Variants in EPS8 observed in about 807,000 individuals in gnomAD.
EPS8 encodes the protein epidermal growth factor receptor kinase substrate 8.
Under a neutral mutation model 103.8 loss-of-function variants are expected in EPS8, and 42 were observed. That is an observed-to-expected ratio of 0.40 (90% CI 0.32 to 0.52). EPS8 has a LOEUF of 0.52. EPS8 is among the 20% of genes least tolerant of loss of function. The pLI, the probability that EPS8 is intolerant of heterozygous loss-of-function variation, is 0.40. For synonymous variants in EPS8, 344 were observed against 344.6 expected, an observed-to-expected ratio of 1.00 and a Z score of 0.02; for missense variants, 969 against 1,005.1, an observed-to-expected ratio of 0.96 and a Z score of 0.49.
chr12:15,635,907 T>C (rs1945125986), intron 17 of EPS8, among the ~76,000 whole-genome samples: 1 of 152,128 alleles, frequency 6.6e-6, no homozygotes, highest in Non-Finnish European at 1.5e-5. Flanking sequence ...AGACTGGACA[T>C]TCATAATTAC....
rs776013800 is a variant in EPS8, at chr12:15,669,743, G to C, written c.287C>G (p.Ala96Gly). ...DGIRKLKLLD[A>G]KGKVWTQDMI... Reference sequence around the variant, plus strand: ...ATCTTGAGTCCACACTTTGCCCTTGGCATCAAGCAATTTCAATTTCCTTAT... The same window carrying C: ...ATCTTGAGTCCACACTTTGCCCTTGCCATCAAGCAATTTCAATTTCCTTAT... The change falls in exon 5 of 21, where the codon GCC becomes GGC. Residue 96 changes from alanine to glycine, a missense_variant. By Grantham distance (60) the Ala-to-Gly change is moderately conservative (BLOSUM62 0). Transcript: ENST00000281172. 13 of 1,613,502 alleles carry C rather than the reference G, an allele frequency of 8.1e-6. No homozygotes were observed. In the South Asian group the frequency reaches 1.3e-4, roughly 16 times the overall value.
Position 15,757,986 on chromosome 12 carries a change from G to C in EPS8, c.-22+31175C>G, listed in dbSNP as rs1947004763. ...AAGCCAGCGGTTGGAATCATCTGAA[G>C]GCCTATTCACTGTCAGCTTGAGACC... On this transcript the variant is annotated intron_variant, in intron 1 of 20. Transcript: ENST00000281172. This position sits in a 1 kb window ranked among gnomAD's most constrained non-coding sequence, Gnocchi z 4.1. 6.6e-6 allele frequency among the ~76,000 whole-genome samples: 1 copy of C among 152,154 alleles called. No homozygotes were observed.
At position 15,762,974 on chromosome 12, in the gene EPS8, AATAG is replaced by A. The variant is rs1300454618; in HGVS notation, c.-22+26183_-22+26186del. On this transcript the variant is annotated intron_variant, in intron 1 of 20. Coordinates refer to ENST00000281172, the MANE Select transcript of EPS8 (RefSeq NM_004447.6). This position sits in a 1 kb window ranked among gnomAD's most constrained non-coding sequence, Gnocchi z 4.8. ...TAACACAAAGGGTAAATGCTTGAGGAATAGATAGCCCATTTTCCATGATGTGATT... is the reference window on the plus strand; with the variant it reads ...TAACACAAAGGGTAAATGCTTGAGGAATAGCCCATTTTCCATGATGTGATT... 1.3e-5 allele frequency among the ~76,000 whole-genome samples: 2 copies of A among 152,208 alleles called. No homozygotes were observed. The highest frequency in any genetic ancestry group is 4.8e-5 in the African/African-American group (2 of 41,452).
At chr12:15,743,808 C>A (rs1477018647) in intron 1 of EPS8, among the ~76,000 whole-genome samples, 1 of 152,136 alleles carries the variant, frequency 6.6e-6, no homozygotes, top group Non-Finnish European at 1.5e-5. Context: ...CATAAAAACC[C>A]TAGAAGAAAC....
intron 1 of EPS8, among the ~76,000 whole-genome samples, chr12:15,712,403 T>G (rs1946477492): frequency 6.6e-6 from 1 of 152,202 alleles, no homozygotes; most frequent in African/African-American, 2.4e-5. Flanking sequence ...ACAACTAACA[T>G]TGTGTAAACA....
chr12:15,663,933 A>AT (rs1301103546), intron 8 of EPS8, among the ~76,000 whole-genome samples: 2,978 of 16,178 alleles, frequency 0.18, 164 homozygotes, highest in Middle Eastern at 0.38. Context: ...AAAAAAAAAA[A>AT]AAAAAAAAAA....
chr12:15,686,959 G>A (rs1440816602), intron 1 of EPS8, among the ~76,000 whole-genome samples: 6 of 151,996 alleles, frequency 3.9e-5, no homozygotes, highest in Non-Finnish European at 8.8e-5. Context: ...AAACATCTAT[G>A]TCTAGGTTTC....
rs566008022 is a variant in EPS8 at position 15,694,780 on chromosome 12, GA to G, written c.-21-11809del. Among the ~76,000 whole-genome samples, 336 of 152,062 alleles carry G rather than the reference GA, an allele frequency of 2.2e-3. 2 individuals carry two copies. The highest frequency in any genetic ancestry group is 5.4e-3 in the East Asian group (28 of 5,188). ...AAAGGAAGAAAAGTTAATTCCAATG[GA>G]AAAAATAATTGAGCCTATTATATTT... On this transcript the variant is annotated intron_variant, in intron 1 of 20. Coordinates refer to ENST00000281172, the MANE Select transcript of EPS8 (RefSeq NM_004447.6).
chr12:15,689,050 G>T (rs944601134), intron 1 of EPS8, among the ~76,000 whole-genome samples: 2 of 152,126 alleles, frequency 1.3e-5, no homozygotes, highest in African/African-American at 4.8e-5. Flanking sequence ...CTGCGAGGGG[G>T]ACAAAGGAAC....
At position 15,787,916 on chromosome 12, in the gene EPS8, T is replaced by C. The variant is rs1947326693; in HGVS notation, c.-22+1245A>G. The C allele has an allele frequency of 6.6e-6, 1 of 152,178 alleles. No homozygotes were observed. The highest frequency in any genetic ancestry group is 2.1e-4 in the South Asian group (1 of 4,830). The allele number at this position is 152,178 out of a possible 1,614,324, so 9.4% of individuals were successfully genotyped here. A position where few individuals can be genotyped will look rare whatever the true frequency, so the allele number is the denominator to read the frequency against. Reference sequence around the variant, plus strand: ...ACTGCGATCCCAAACAAAAAATCTATACTAGGTGAGACAGGATGACATTGA... The same window carrying C: ...ACTGCGATCCCAAACAAAAAATCTACACTAGGTGAGACAGGATGACATTGA... On this transcript the variant is annotated intron_variant, in intron 1 of 20. Transcript: ENST00000281172. The surrounding 1 kb of genome is among the most constrained non-coding windows in gnomAD (Gnocchi z 4.9).
rs567376929 is a variant in EPS8, at chr12:15,748,502, G to C, written c.-22+40659C>G. 1.3e-5 allele frequency among the ~76,000 whole-genome samples: 2 copies of C among 152,170 alleles called. 1 individual carries two copies. Among genetic ancestry groups the C allele is most frequent in the African/African-American group, 4.8e-5 (2 of 41,512 alleles). On this transcript the variant is annotated intron_variant, in intron 1 of 20. Transcript: ENST00000281172. This position sits in a 1 kb window ranked among gnomAD's most constrained non-coding sequence, Gnocchi z 4.8. ...ACAAAACTCTACAGAAACAATTTCAGTGAATTAAGTGTCTGAATACCTACA... is the reference window on the plus strand; with the variant it reads ...ACAAAACTCTACAGAAACAATTTCACTGAATTAAGTGTCTGAATACCTACA...
At chr12:15,630,542 T>C (rs750646303) in intron 18 of EPS8, among the ~76,000 whole-genome samples, 129 of 152,238 alleles carry the variant, frequency 8.5e-4, no homozygotes, top group Admixed American at 1.7e-3. Flanking sequence ...AAACCATTTA[T>C]ATGAAACATC....
In EPS8 at chr12:15,734,866, A is replaced by T. The variant is rs900527784; in HGVS notation, c.-21-51894T>A. Among the ~76,000 whole-genome samples the T allele has an allele frequency of 2.6e-5, 4 of 152,240 alleles. No homozygotes were observed. The highest frequency in any genetic ancestry group is 5.9e-5 in the Non-Finnish European group (4 of 68,044). On this transcript the variant is annotated intron_variant, in intron 1 of 20. Transcript: ENST00000281172. This position sits in a 1 kb window ranked among gnomAD's most constrained non-coding sequence, Gnocchi z 4.1. ...ACTTTCATATCGATGATCTCAATTG[A>T]TTCTTATAATATGTAAGCTGGAAGG...
In EPS8 at chr12:15,760,069, TAAGA is replaced by T. The variant is rs774899384; in HGVS notation, c.-22+29088_-22+29091del. On this transcript the variant is annotated intron_variant, in intron 1 of 20. Transcript: ENST00000281172. This position sits in a 1 kb window ranked among gnomAD's most constrained non-coding sequence, Gnocchi z 4.5. The stretch of plus-strand genomic sequence containing the variant: ...AAAATTGATGAACCTTTAGCCATAC[TAAGA>T]AAGAAAGAAAGATCTAAGTAAATAA... Among the ~76,000 whole-genome samples, 1 of 151,780 alleles carries T rather than the reference TAAGA, an allele frequency of 6.6e-6. No individual in the cohort carries two copies. Among genetic ancestry groups the T allele is most frequent in the South Asian group, 2.1e-4 (1 of 4,826 alleles).
At chr12:15,636,844 A>C (rs1365425373) in intron 17 of EPS8, among the ~76,000 whole-genome samples, 1 of 152,238 alleles carries the variant, frequency 6.6e-6, no homozygotes, top group Non-Finnish European at 1.5e-5. Flanking sequence ...ATACCATGAA[A>C]TCCAGTGAAT....
At chr12:15,669,622 G>C (rs377066980) in intron 5 of EPS8, 42 bp downstream of exon 5, 19 of 1,553,444 alleles carry the variant, frequency 1.2e-5, no homozygotes, top group Non-Finnish European at 1.7e-5. Flanking sequence ...AATATTTGTG[G>C]AGTTTCTTGA....
At chr12:15,672,200 A>C (rs1487028188) in intron 3 of EPS8, among the ~76,000 whole-genome samples, 2 of 152,176 alleles carry the variant, frequency 1.3e-5, no homozygotes, top group Non-Finnish European at 2.9e-5. Context: ...AAAGCTGAGC[A>C]AGTACAAAAA....
chr12:15,781,190 A>T lies in EPS8; in HGVS notation c.-22+7971T>A, dbSNP rs201054697. On this transcript the variant is annotated intron_variant, in intron 1 of 20. Coordinates refer to ENST00000281172, the MANE Select transcript of EPS8 (RefSeq NM_004447.6). The surrounding 1 kb of genome is among the most constrained non-coding windows in gnomAD (Gnocchi z 4.1). ...CATACCTCTGGTCAGTAGGATACAG[A>T]TGAGTCAACAGAAAACAAAGCTAGA... 6.6e-6 allele frequency among the ~76,000 whole-genome samples: 1 copy of T among 152,386 alleles called. No individual in the cohort carries two copies. The highest frequency in any genetic ancestry group is 1.9e-4 in the East Asian group (1 of 5,192).
rs1946225334 is a variant in EPS8 at position 15,695,113 on chromosome 12, T to A, written c.-21-12141A>T. ...AATCTGAGACTTTAAATTAGAGTTA[T>A]AAGTAAAGGTAATTTGGCCATGACA... is the stretch of plus-strand genomic sequence containing the variant. On this transcript the variant is annotated intron_variant, in intron 1 of 20. Coordinates refer to ENST00000281172, the MANE Select transcript of EPS8 (RefSeq NM_004447.6). The surrounding 1 kb of genome is among the most constrained non-coding windows in gnomAD (Gnocchi z 5.0). Among the ~76,000 whole-genome samples, 2 of 152,226 alleles carry A rather than the reference T, an allele frequency of 1.3e-5. No individual in the cohort carries two copies. Among genetic ancestry groups the A allele is most frequent in the Non-Finnish European group, 2.9e-5 (2 of 68,032 alleles).
Sources: allele counts gnomAD v4.1 joint callset (sites outside exome capture counted in the v4.1 genomes callset), GRCh38; gene constraint gnomAD v4.1.1; non-coding constraint Gnocchi (gnomAD v3.1); transcripts MANE v1.5; gene names NCBI Gene and HGNC (gene_info 2026-07-23, HGNC 2026-07-21).